Variants in TMEM71 observed in about 807,000 individuals in gnomAD.
TMEM71 encodes the protein transmembrane protein 71.
In TMEM71, 44 loss-of-function variants were observed where a neutral mutation model predicts 38.0. That is an observed-to-expected ratio of 1.16 (90% confidence interval 0.91 to 1.49). The LOEUF (loss-of-function observed/expected upper bound fraction) is 1.49, where lower values mean the gene tolerates loss of function less well. Ranked by LOEUF, TMEM71 falls within the 40% of genes most tolerant of loss-of-function variation. The pLI is 0.00. For synonymous variants in TMEM71, 133 were observed against 122.5 expected, an observed-to-expected ratio of 1.09 and a Z score of -0.56; for missense variants, 367 against 348.6, an observed-to-expected ratio of 1.05 and a Z score of -0.42.
chr8:132,745,425 A>G (rs772833517), intron 5 of TMEM71, among the ~76,000 whole-genome samples: 1 of 152,226 alleles, frequency 6.6e-6, no homozygotes, highest in Non-Finnish European at 1.5e-5. Flanking sequence ...GTATGAAAAA[A>G]TGTTCATCAT....
chr8:132,732,006 C>T (rs1255350593), intron 5 of TMEM71, among the ~76,000 whole-genome samples: 1 of 152,172 alleles, frequency 6.6e-6, no homozygotes, highest in Non-Finnish European at 1.5e-5. Flanking sequence ...GCAAAAGCTG[C>T]ATGGATACGG....
At chr8:132,706,160 C>T (rs1305583259), downstream of TMEM71, among the ~76,000 whole-genome samples, 1 of 152,086 alleles carries the variant, frequency 6.6e-6, no homozygotes, top group Non-Finnish European at 1.5e-5. Flanking sequence ...AACTTTGCAG[C>T]CTTTAGAATT....
At chr8:132,748,886 C>G (rs1245129544) in intron 4 of TMEM71, among the ~76,000 whole-genome samples, 2 of 152,154 alleles carry the variant, frequency 1.3e-5, no homozygotes, top group Non-Finnish European at 2.9e-5. Context: ...CCTAATAGCC[C>G]TGTGAGCTTG....
At chr8:132,749,830 A>G (rs1828596307) in intron 4 of TMEM71, among the ~76,000 whole-genome samples, 2 of 152,094 alleles carry the variant, frequency 1.3e-5, no homozygotes, top group African/African-American at 4.8e-5. Flanking sequence ...CCTGGCCAAC[A>G]TGGCGAAACC....
At position 132,727,122 on chromosome 8, in the gene TMEM71, A is replaced by G. The variant is rs149499189; in HGVS notation, c.676+676T>C. ...TCCACCCGCCTCAGCCTCCCAAAAT[A>G]CTGAGATTACAGGTGTGAGCCACTG... is the stretch of plus-strand genomic sequence containing the variant. On this transcript the variant is annotated intron_variant, in intron 6 of 9. Transcript: ENST00000677595. Among the ~76,000 whole-genome samples the G allele has an allele frequency of 7.2e-3, 1,088 of 152,038 alleles. 16 individuals are homozygous for G. The highest frequency in any genetic ancestry group is 0.025 in the African/African-American group (1,050 of 41,488).
intron 7 of TMEM71, among the ~76,000 whole-genome samples, 184 bp downstream of exon 7, chr8:132,721,856 C>A (rs1459377264): frequency 2.6e-5 from 4 of 151,988 alleles, no homozygotes; most frequent in Non-Finnish European, 5.9e-5. Flanking sequence ...GTTTTGTATG[C>A]TTTGTGAGAG....
intron 4 of TMEM71, among the ~76,000 whole-genome samples, chr8:132,748,140 C>G (rs572457550): frequency 1.3e-5 from 2 of 152,230 alleles, no homozygotes; most frequent in African/African-American, 4.8e-5. Flanking sequence ...TTTCCCATCA[C>G]AGGCAAGGTG....
chr8:132,717,147 G>C (rs1826576805), intron 7 of TMEM71, among the ~76,000 whole-genome samples: 1 of 152,104 alleles, frequency 6.6e-6, no homozygotes, highest in African/African-American at 2.4e-5. Flanking sequence ...CAAAAGATGG[G>C]TGAGAAACTT....
the TMEM71 span, among the ~76,000 whole-genome samples, chr8:132,766,026 C>T: frequency 9.2e-5 from 14 of 152,200 alleles, no homozygotes; most frequent in African/African-American, 3.4e-4. Context: ...TCAGGTGATC[C>T]ACCTGCCTCA....
At chr8:132,767,999 G>A in the TMEM71 span, among the ~76,000 whole-genome samples, 9 of 152,112 alleles carry the variant, frequency 5.9e-5, no homozygotes, top group African/African-American at 2.2e-4. Flanking sequence ...ATGGGGGTAG[G>A]GATGGGGATT....
chr8:132,733,696 C>T (rs974837199), intron 5 of TMEM71, among the ~76,000 whole-genome samples: 4 of 152,196 alleles, frequency 2.6e-5, no homozygotes, highest in African/African-American at 9.7e-5. Flanking sequence ...TGAGGGGGCC[C>T]TGGACCATGC....
At chr8:132,766,528 G>A in the TMEM71 span, among the ~76,000 whole-genome samples, 6 of 152,160 alleles carry the variant, frequency 3.9e-5, no homozygotes, top group Non-Finnish European at 7.4e-5. Flanking sequence ...AGCTAGGCAC[G>A]GTGGCTTATG....
chr8:132,738,853 T>C (rs1234908656), intron 5 of TMEM71, among the ~76,000 whole-genome samples: 1 of 85,052 alleles, frequency 1.2e-5, no homozygotes, highest in Non-Finnish European at 2.7e-5. Context: ...AATCTAGTAT[T>C]ACATGCACAC....
chr8:132,730,361 T>C (rs943565358), intron 5 of TMEM71, among the ~76,000 whole-genome samples: 2 of 152,160 alleles, frequency 1.3e-5, no homozygotes, highest in Admixed American at 1.3e-4. Context: ...AAGCTCTCTG[T>C]GGAAACACAC....
Position 132,722,168 on chromosome 8 carries a change from T to A in TMEM71, c.677-53A>T, listed in dbSNP as rs372995413. ...TTAGAAATCATTGCTGATTCAATCA[T>A]CTTGGAAGAAAAAATCATCTCAAAC... On this transcript the variant is annotated intron_variant, in intron 6 of 9. Transcript: ENST00000677595. The A allele has an allele frequency of 4.4e-4, 629 of 1,423,292 alleles. 7 individuals carry two copies. The African/African-American group carries it at 7.9e-3, about 18-fold the overall frequency. The allele number at this position is 1,423,292 out of a possible 1,614,324, so 88.2% of individuals were successfully genotyped here.
At chr8:132,712,111 C>T (rs1436521117) in intron 9 of TMEM71, among the ~76,000 whole-genome samples, 1 of 151,996 alleles carries the variant, frequency 6.6e-6, no homozygotes. Flanking sequence ...AGAGTACATA[C>T]TATTTTCAAG....
intron 5 of TMEM71, among the ~76,000 whole-genome samples, chr8:132,738,462 C>T (rs867094962): frequency 1.2e-4 from 19 of 152,148 alleles, no homozygotes; most frequent in Middle Eastern, 3.2e-3. Context: ...TTCCTTCCTC[C>T]CTATTTCCTG....
chr8:132,742,319 G>A (rs896911735), intron 5 of TMEM71, among the ~76,000 whole-genome samples: 2 of 152,194 alleles, frequency 1.3e-5, no homozygotes, highest in Admixed American at 6.5e-5. Flanking sequence ...CCCACACAGT[G>A]AGCCAAGATC....
chr8:132,744,246 T>C (rs976684461), intron 5 of TMEM71, among the ~76,000 whole-genome samples: 2 of 152,168 alleles, frequency 1.3e-5, no homozygotes, highest in Non-Finnish European at 2.9e-5. Flanking sequence ...ATAAAAATAA[T>C]TATAACTACA....
Sources: gnomAD v4.1 joint callset for allele counts (sites outside exome capture counted in the v4.1 genomes callset) on GRCh38, gnomAD v4.1.1 for gene constraint, MANE v1.5 for transcripts, NCBI Gene and HGNC (gene_info 2026-07-23, HGNC 2026-07-21) for gene names.